The following GPHN variants were observed in gnomAD, a reference collection of about 807,000 sequenced individuals.
GPHN encodes the protein gephyrin.
In GPHN, 17 loss-of-function variants were observed where a neutral mutation model predicts 95.5. The ratio of observed to expected loss-of-function variants is 0.18; its 90% CI spans 0.12 to 0.27. GPHN has a LOEUF of 0.27. Among genes scored for constraint, GPHN ranks in the 10% least tolerant of loss-of-function variants. The pLI, the probability that GPHN is intolerant of heterozygous loss-of-function variation, is 1.00. For synonymous variants in GPHN, 320 were observed against 322.5 expected, an observed-to-expected ratio of 0.99 and a Z score of 0.08; for missense variants, 660 against 978.1, an observed-to-expected ratio of 0.67 and a Z score of 4.34.
At chr14:67,313,106 G>C in the GPHN span, among the ~76,000 whole-genome samples, 10 of 152,234 alleles carry the variant, frequency 6.6e-5, no homozygotes, top group South Asian at 2.1e-3. Context: ...TAACATCATA[G>C]AATTTATTGT....
chr14:67,327,919 C>T, the GPHN span, among the ~76,000 whole-genome samples: 17 of 152,312 alleles, frequency 1.1e-4, no homozygotes, highest in Non-Finnish European at 1.8e-4. Context: ...TCTTTGCTAT[C>T]GTAAATAGTG....
chr14:66,787,487 A>C (rs2059818063), intron 3 of GPHN, among the ~76,000 whole-genome samples: 2 of 152,168 alleles, frequency 1.3e-5, no homozygotes, highest in African/African-American at 2.4e-5. Context: ...AATTCATTCT[A>C]AAATTATATG....
intron 1 of GPHN, among the ~76,000 whole-genome samples, chr14:66,624,349 G>T (rs2063436752): frequency 6.6e-6 from 1 of 152,202 alleles, no homozygotes; most frequent in Non-Finnish European, 1.5e-5. Flanking sequence ...TATAGGATCT[G>T]TATCTGAATT....
intron 2 of GPHN, among the ~76,000 whole-genome samples, chr14:66,724,384 G>A (rs770932741): frequency 6.6e-6 from 1 of 152,166 alleles, no homozygotes; most frequent in Non-Finnish European, 1.5e-5. Context: ...TCTAGCAGCT[G>A]TTCAGTTTTC....
intron 2 of GPHN, among the ~76,000 whole-genome samples, chr14:66,768,222 T>C (rs1456841614): frequency 6.6e-6 from 1 of 151,914 alleles, no homozygotes; most frequent in East Asian, 1.9e-4. Context: ...CTGTTTGGTA[T>C]ATACATGCAA....
chr14:67,527,521 G>A, the GPHN span, among the ~76,000 whole-genome samples: 15 of 152,302 alleles, frequency 9.8e-5, no homozygotes, highest in Non-Finnish European at 1.9e-4. Context: ...TAAATGTTTC[G>A]ATTTTTAATT....
chr14:66,776,493 T>G lies in GPHN; in HGVS notation c.173T>G (p.Ile58Arg). ...GGTGGGACTATATCAGCATACAAGA[T>G]AGTACCAGATGAAATAGAAGAAATC... ...LLGGTISAYK[I>R]VPDEIEEIKE... Residue 58 changes from isoleucine to arginine, a missense_variant, in exon 3 of 23, where the codon ATA becomes AGA. Ile to Arg is a moderately conservative substitution (Grantham distance 97). Transcript: ENST00000478722. The G allele has an allele frequency of 6.3e-7, 1 of 1,579,640 alleles. No individual in the cohort carries two copies. Among genetic ancestry groups the G allele is most frequent in the South Asian group, 1.1e-5 (1 of 90,220 alleles).
At chr14:66,996,795 G>C (rs1240490269) in intron 9 of GPHN, among the ~76,000 whole-genome samples, 1 of 151,868 alleles carries the variant, frequency 6.6e-6, no homozygotes, top group Non-Finnish European at 1.5e-5. Context: ...TAAGATTCTT[G>C]TAATCTAGAA....
At chr14:66,955,818 C>A (rs867577833) in intron 8 of GPHN, among the ~76,000 whole-genome samples, 1 of 152,018 alleles carries the variant, frequency 6.6e-6, no homozygotes, top group Non-Finnish European at 1.5e-5. Context: ...GGATTTTTGT[C>A]CCTGCAATAG....
chr14:67,318,136 T>C, the GPHN span, among the ~76,000 whole-genome samples: 1 of 152,212 alleles, frequency 6.6e-6, no homozygotes, highest in East Asian at 1.9e-4. Flanking sequence ...CTACTTCTGT[T>C]TGGTTCACAT....
the GPHN span, among the ~76,000 whole-genome samples, chr14:67,264,551 C>T: frequency 5.3e-5 from 8 of 152,052 alleles, no homozygotes; most frequent in Non-Finnish European, 7.4e-5. Context: ...ATTTTTGTAC[C>T]GTAAATGGTA....
intron 9 of GPHN, among the ~76,000 whole-genome samples, chr14:66,996,388 T>C (rs1319706413): frequency 6.6e-6 from 1 of 152,212 alleles, no homozygotes; most frequent in East Asian, 1.9e-4. Context: ...GGGAAATTTC[T>C]CTATTTTTAT....
At chr14:67,677,029 A>C in the GPHN span, 1 of 152,208 alleles carries the variant, frequency 6.6e-6, no homozygotes, top group Non-Finnish European at 1.5e-5. Context: ...ATTAATTTAC[A>C]AGTATCAGAA....
intron 1 of GPHN, among the ~76,000 whole-genome samples, chr14:66,671,065 A>T (rs747536518): frequency 1.1e-4 from 17 of 152,236 alleles, no homozygotes; most frequent in Non-Finnish European, 2.1e-4. Context: ...CTGTCATCAA[A>T]ATTAGTTGCA....
chr14:66,674,297 A>C (rs2066466683), intron 1 of GPHN, among the ~76,000 whole-genome samples: 1 of 151,764 alleles, frequency 6.6e-6, no homozygotes, highest in South Asian at 2.1e-4. Flanking sequence ...ACGGGGTTTC[A>C]CCATGTTAGC....
At chr14:66,924,605 A>G (rs2066387473) in intron 8 of GPHN, among the ~76,000 whole-genome samples, 1 of 152,220 alleles carries the variant, frequency 6.6e-6, no homozygotes, top group South Asian at 2.1e-4. Flanking sequence ...ATATCTTTAA[A>G]TAAATTGCCT....
At chr14:67,392,565 AG>A in the GPHN span, 2 of 1,278,740 alleles carry the variant, frequency 1.6e-6, no homozygotes, top group Non-Finnish European at 2.3e-6. Flanking sequence ...CCCAAGCCCA[AG>A]GTCTCCTCCC....
chr14:67,224,181 T>C, the GPHN span, among the ~76,000 whole-genome samples: 1 of 152,080 alleles, frequency 6.6e-6, no homozygotes, highest in Non-Finnish European at 1.5e-5. Context: ...AAATGCACTG[T>C]TTTTATGACA....
chr14:67,163,753 T>A (rs2082100208), intron 19 of GPHN, among the ~76,000 whole-genome samples: 1 of 152,086 alleles, frequency 6.6e-6, no homozygotes, highest in Non-Finnish European at 1.5e-5. Context: ...TAATATTTCA[T>A]CTGTATGAAA....
Sources: gnomAD v4.1 joint callset for allele counts (sites outside exome capture counted in the v4.1 genomes callset) on GRCh38, gnomAD v4.1.1 for gene constraint, MANE v1.5 for transcripts, NCBI Gene and HGNC (gene_info 2026-07-23, HGNC 2026-07-21) for gene names.